The following GRB2 variants were observed in gnomAD, a reference collection of about 807,000 sequenced individuals.
GRB2 encodes the protein growth factor receptor-bound protein 2.
In GRB2, 2 loss-of-function variants were observed where a neutral mutation model predicts 27.4. The observed-to-expected ratio is 0.07, with a 90% confidence interval of 0.03 to 0.23. The LOEUF (loss-of-function observed/expected upper bound fraction) is 0.23. GRB2 is among the 10% of genes least tolerant of loss of function. The probability of loss-of-function intolerance (pLI) is 1.00; values close to 1 mark genes in which losing one functional copy is unlikely to be tolerated. For synonymous variants in GRB2, 94 were observed against 99.6 expected, an observed-to-expected ratio of 0.94 and a Z score of 0.33; for missense variants, 102 against 282.4, an observed-to-expected ratio of 0.36 and a Z score of 4.58.
At chr17:75,377,136 C>T (rs2078899217) in intron 2 of GRB2, among the ~76,000 whole-genome samples, 1 of 147,190 alleles carries the variant, frequency 6.8e-6, no homozygotes, top group Non-Finnish European at 1.5e-5. Flanking sequence ...CCCCCCGCTA[C>T]AAAAAAAAAA....
At chr17:75,322,649 G>A (rs931845288) in intron 4 of GRB2, among the ~76,000 whole-genome samples, 2 of 152,122 alleles carry the variant, frequency 1.3e-5, no homozygotes, top group Non-Finnish European at 2.9e-5. Flanking sequence ...AAGAGGCCCA[G>A]ACTTCAAAAC....
chr17:75,363,117 G>T (rs1441970194), intron 2 of GRB2, among the ~76,000 whole-genome samples: 1 of 152,146 alleles, frequency 6.6e-6, no homozygotes, highest in East Asian at 1.9e-4. Context: ...CAAAGTATGT[G>T]TATCTGTTTG....
intron 2 of GRB2, among the ~76,000 whole-genome samples, chr17:75,353,463 T>TAA (rs11374646): frequency 5.2e-4 from 78 of 148,876 alleles, no homozygotes; most frequent in Non-Finnish European, 5.7e-4. Flanking sequence ...TCTATGCCCT[T>TAA]AAAAAAAAAA....
chr17:75,361,667 G>A (rs142520669), intron 2 of GRB2, among the ~76,000 whole-genome samples: 686 of 152,246 alleles, frequency 4.5e-3, no homozygotes, highest in African/African-American at 0.016. Flanking sequence ...GGGAGACGGT[G>A]ATGCATGCAG....
At chr17:75,397,917 C>G (rs2079038765) in intron 1 of GRB2, among the ~76,000 whole-genome samples, 1 of 152,018 alleles carries the variant, frequency 6.6e-6, no homozygotes, top group Non-Finnish European at 1.5e-5. Flanking sequence ...TCTCAGGTCA[C>G]TGCAACCTCC....
At chr17:75,376,652 C>T (rs2078895971) in intron 2 of GRB2, among the ~76,000 whole-genome samples, 1 of 151,992 alleles carries the variant, frequency 6.6e-6, no homozygotes, top group Non-Finnish European at 1.5e-5. Flanking sequence ...AATGAAAAGA[C>T]AACTCTGGTA....
intron 1 of GRB2, among the ~76,000 whole-genome samples, chr17:75,402,290 C>G (rs1383305573): frequency 6.6e-6 from 1 of 152,110 alleles, no homozygotes. Flanking sequence ...AAAAATCTTT[C>G]GTCTGAGTCT....
chr17:75,376,520 C>A (rs868744870), intron 2 of GRB2, among the ~76,000 whole-genome samples: 732 of 124,220 alleles, frequency 5.9e-3, no homozygotes, highest in Middle Eastern at 8.0e-3. Context: ...GACTCTGTTT[C>A]AAAAAAAAAA....
At chr17:75,353,579 G>A (rs2078708048) in intron 2 of GRB2, among the ~76,000 whole-genome samples, 1 of 151,968 alleles carries the variant, frequency 6.6e-6, no homozygotes, top group Non-Finnish European at 1.5e-5. Context: ...TGACAACACG[G>A]TGAAACCCCG....
intron 3 of GRB2, among the ~76,000 whole-genome samples, chr17:75,330,279 G>A (rs1048679451): frequency 2.6e-5 from 4 of 151,964 alleles, no homozygotes; most frequent in Non-Finnish European, 4.4e-5. Flanking sequence ...CTACTCAGGA[G>A]GTGGAGGCAG....
Position 75,393,661 on chromosome 17 carries a change from G to A in GRB2, c.-33C>T. On this transcript the variant is annotated 5_prime_UTR_variant, in exon 2 of 6. Transcript: ENST00000316804. ...GCTGCTCAGTGCTCAGCAGCCTGAA[G>A]CAGGGGGAAGGGAGTCTTCCCTGCT... is the stretch of plus-strand genomic sequence containing the variant. The A allele has an allele frequency of 6.3e-7, 1 of 1,576,990 alleles. No homozygotes were observed. The highest frequency in any genetic ancestry group is 2.2e-5 in the East Asian group (1 of 44,690).
At chr17:75,400,276 C>T (rs762555952) in intron 1 of GRB2, among the ~76,000 whole-genome samples, 2 of 152,008 alleles carry the variant, frequency 1.3e-5, no homozygotes, top group African/African-American at 2.4e-5. Context: ...TGAGTTCCAG[C>T]AATTCCCCTG....
chr17:75,352,453 C>T (rs1057509311), intron 2 of GRB2, among the ~76,000 whole-genome samples: 3 of 152,180 alleles, frequency 2.0e-5, no homozygotes, highest in African/African-American at 7.2e-5. Flanking sequence ...ACAAGAACAA[C>T]TTCCTGATTT....
At chr17:75,369,761 G>A (rs543333926) in intron 2 of GRB2, among the ~76,000 whole-genome samples, 2 of 151,026 alleles carry the variant, frequency 1.3e-5, no homozygotes, top group East Asian at 1.9e-4. Context: ...TCAGGAGGCC[G>A]AGACAGGATA....
chr17:75,338,721 A>C (rs983716420), intron 2 of GRB2: 11 of 495,130 alleles, frequency 2.2e-5, no homozygotes, highest in Non-Finnish European at 4.0e-5. Flanking sequence ...AAATAATGTT[A>C]AGAGCCCAAA....
At chr17:75,323,806 CT>C (rs398031609) in intron 4 of GRB2, among the ~76,000 whole-genome samples, 96 of 144,582 alleles carry the variant, frequency 6.6e-4, no homozygotes, top group African/African-American at 7.6e-4. Context: ...TTTTTCTTTT[CT>C]TTTTTTTTTT....
chr17:75,358,203 G>A (rs1449396580), intron 2 of GRB2, among the ~76,000 whole-genome samples: 2 of 152,106 alleles, frequency 1.3e-5, no homozygotes, highest in Non-Finnish European at 2.9e-5. Context: ...AAGTATAGAG[G>A]AAGAAAATAG....
chr17:75,357,987 A>G (rs2078744701), intron 2 of GRB2, among the ~76,000 whole-genome samples: 2 of 152,194 alleles, frequency 1.3e-5, no homozygotes, highest in Admixed American at 6.5e-5. Flanking sequence ...AGTCCCAGCT[A>G]CTCAGGAGGC....
intron 2 of GRB2, among the ~76,000 whole-genome samples, chr17:75,367,292 T>G (rs2078826278): frequency 6.6e-6 from 1 of 152,070 alleles, no homozygotes; most frequent in Admixed American, 6.6e-5. Context: ...CACCTCAGCC[T>G]CTGGAGTAGT....
Sources: gnomAD v4.1 joint callset for allele counts (sites outside exome capture counted in the v4.1 genomes callset) on GRCh38, gnomAD v4.1.1 for gene constraint, MANE v1.5 for transcripts, NCBI Gene and HGNC (gene_info 2026-07-23, HGNC 2026-07-21) for gene names.